The following DENND11 variants were observed in gnomAD, a reference collection of about 807,000 sequenced individuals.
DENND11 encodes DENN domain containing 11, also known as DENN domain-containing protein 11.
DENND11 carries 34 observed loss-of-function variants against 49.2 expected under a neutral mutation model. The ratio of observed to expected loss-of-function variants is 0.69; its 90% CI spans 0.53 to 0.92. The LOEUF is 0.92. Ranked by LOEUF, DENND11 falls within the 40% of genes least tolerant of loss-of-function variation. DENND11 has a pLI of 0.00. For missense variants in DENND11, 475 were observed against 581.6 expected (o/e 0.82, Z 1.88); for synonymous variants, 238 against 230.3 (o/e 1.03, Z -0.30).
rs754210155 is a variant in DENND11, at chr7:141,695,531, T to C, written c.268+6355A>G. Among the ~76,000 whole-genome samples, 124 of 152,224 alleles carry C rather than the reference T, an allele frequency of 8.1e-4. 4 individuals are homozygous for C. Among genetic ancestry groups the C allele is most frequent in the Non-Finnish European group, 2.1e-4 (14 of 68,038 alleles). On this transcript the variant is annotated intron_variant, in intron 1 of 8. Coordinates refer to ENST00000536163, the MANE Select transcript of DENND11 (RefSeq NM_001080392.2). ...GAGGAGACTTAATGGAAAGTGATTT[T>C]GCATAATTAGTAATCCTTATGGGAT...
rs1305897399 is a variant in DENND11 at position 141,701,362 on chromosome 7, C to CGAGCGGG, written c.268+517_268+523dup. Among the ~76,000 whole-genome samples, 30 of 140,720 alleles carry CGAGCGGG rather than the reference C, an allele frequency of 2.1e-4. 1 individual carries two copies. The highest frequency in any genetic ancestry group is 4.1e-4 in the Non-Finnish European group (27 of 65,400). 92.3% of individuals were successfully genotyped at this position (140,720 alleles called of 152,430 possible). Reference sequence around the variant, plus strand: ...CAGAGGAAGCGACGGGGAGCTAGGGCGAGCGGGGAGCGGGGGACGGGGTGG... The same window carrying CGAGCGGG: ...CAGAGGAAGCGACGGGGAGCTAGGGCGAGCGGGGAGCGGGGAGCGGGGGACGGGGTGG... On this transcript the variant is annotated intron_variant, in intron 1 of 8. Coordinates refer to ENST00000536163, the MANE Select transcript of DENND11 (RefSeq NM_001080392.2).
At chr7:141,666,877 G>A (rs1797904171) in intron 4 of DENND11, among the ~76,000 whole-genome samples, 1 of 152,106 alleles carries the variant, frequency 6.6e-6, no homozygotes, top group Admixed American at 6.5e-5. Context: ...TCACAGGTAG[G>A]AAGGAGCCCC....
At chr7:141,698,277 A>T (rs530201946) in intron 1 of DENND11, among the ~76,000 whole-genome samples, 2 of 152,222 alleles carry the variant, frequency 1.3e-5, no homozygotes, top group African/African-American at 2.4e-5. Context: ...TTAATTAAGC[A>T]GACTAAGAAC....
At chr7:141,675,682 A>G (rs1229254989) in intron 3 of DENND11, among the ~76,000 whole-genome samples, 2 of 152,078 alleles carry the variant, frequency 1.3e-5, no homozygotes, top group Non-Finnish European at 2.9e-5. Context: ...ATTTTCATCA[A>G]CCAACTATAG....
In DENND11 at chr7:141,674,288, T is replaced by C. The variant is rs932100895; in HGVS notation, c.528-68A>G. 56 of 1,458,456 alleles carry C rather than the reference T, an allele frequency of 3.8e-5. 1 individual carries two copies. In the African/African-American group the frequency reaches 6.7e-4, roughly 17 times the overall value. The allele number at this position is 1,458,456 out of a possible 1,614,324, so 90.3% of individuals were successfully genotyped here. A position where few individuals can be genotyped will look rare whatever the true frequency, so the allele number is the denominator to read the frequency against. ...AGAACAGCCCTGGTCACAGCTCTGC[T>C]ACCACTCCTACCCTCCGCCCACCTC... is the stretch of plus-strand genomic sequence containing the variant. On this transcript the variant is annotated intron_variant, in intron 3 of 8. Transcript: ENST00000536163.
intron 1 of DENND11, among the ~76,000 whole-genome samples, chr7:141,695,423 C>A (rs2366496): frequency 0.45 from 68,594 of 151,672 alleles, 16,622 homozygotes; most frequent in East Asian, 0.74. Context: ...ATGCACCACA[C>A]TAATAGGGAA....
At chr7:141,663,553 A>AT (rs1554407539) in intron 8 of DENND11, 1 of 152,206 alleles carries the variant, frequency 6.6e-6, no homozygotes, top group Non-Finnish European at 1.5e-5. Flanking sequence ...TGTAGGTTTT[A>AT]GAAGTCCACT....
chr7:141,681,779 G>C (rs1046535673), intron 3 of DENND11, among the ~76,000 whole-genome samples: 2 of 152,138 alleles, frequency 1.3e-5, no homozygotes, highest in African/African-American at 4.8e-5. Context: ...TATACCAGCA[G>C]GAAAGGTGTT....
intron 1 of DENND11, among the ~76,000 whole-genome samples, chr7:141,700,689 T>C (rs1798496968): frequency 6.6e-6 from 1 of 152,020 alleles, no homozygotes; most frequent in African/African-American, 2.4e-5. Context: ...CACAAAGGCC[T>C]GAATTGTCCC....
At chr7:141,665,422 C>A in intron 5 of DENND11, 104 bp from the exon 6 acceptor site, 3 of 1,471,692 alleles carry the variant, frequency 2.0e-6, no homozygotes, top group Non-Finnish European at 2.8e-6. Flanking sequence ...TCTGGTGCTT[C>A]AGGATCCAGG....
intron 4 of DENND11, among the ~76,000 whole-genome samples, chr7:141,671,460 A>G (rs1012525671): frequency 2.6e-5 from 4 of 152,242 alleles, no homozygotes; most frequent in Non-Finnish European, 5.9e-5. Context: ...TACAGGCGTG[A>G]GCCACCATGC....
intron 4 of DENND11, among the ~76,000 whole-genome samples, chr7:141,669,809 ATTTTT>A (rs72053527): frequency 8.6e-6 from 1 of 116,272 alleles, no homozygotes; most frequent in East Asian, 2.5e-4. Flanking sequence ...CATACATGCT[ATTTTT>A]TTTTTTTTTT....
At position 141,686,571 on chromosome 7, in the gene DENND11, T is replaced by G. The variant is rs1798246081; in HGVS notation, c.356A>C (p.Gln119Pro). 13 of 1,606,284 alleles carry G rather than the reference T, an allele frequency of 8.1e-6. No individual in the cohort carries two copies. The highest frequency in any genetic ancestry group is 1.1e-5 in the Non-Finnish European group (13 of 1,173,566). Reference protein sequence around the residue: ...KSMASGSHKIQSDFIYFRKGP... With the variant: ...KSMASGSHKIPSDFIYFRKGP... ...CAGAAGTACTTACATGAAATCAGATTGGATTTTATGGGACCCACTGGCCAT... is the reference window on the plus strand; with the variant it reads ...CAGAAGTACTTACATGAAATCAGATGGGATTTTATGGGACCCACTGGCCAT... Residue 119 changes from glutamine to proline, a missense_variant, in exon 2 of 9, where the codon CAA becomes CCA. Transcript: ENST00000536163.
At chr7:141,699,561 A>AAACACAAAAG (rs1798472448) in intron 1 of DENND11, among the ~76,000 whole-genome samples, 2 of 152,168 alleles carry the variant, frequency 1.3e-5, no homozygotes. Flanking sequence ...AAACACAAAA[A>AAACACAAAAG]AAACACAAGT....
At chr7:141,701,613 G>A in intron 1 of DENND11, 1 of 226,968 alleles carries the variant, frequency 4.4e-6, no homozygotes. Context: ...CAGAGGAGAG[G>A]AGGGGAGGGG....
intron 7 of DENND11, 46 bp from the exon 8 acceptor site, chr7:141,664,286 G>T: frequency 6.8e-7 from 1 of 1,469,882 alleles, no homozygotes; most frequent in Non-Finnish European, 9.3e-7. Flanking sequence ...TACCAGGACC[G>T]CAGTCACAGG....
intron 4 of DENND11, among the ~76,000 whole-genome samples, chr7:141,669,801 T>C (rs939985476): frequency 1.4e-5 from 2 of 147,832 alleles, no homozygotes; most frequent in African/African-American, 4.9e-5. Flanking sequence ...TATTATATCA[T>C]ACATGCTATT....
Position 141,660,138 on chromosome 7 carries a change from G to C in DENND11, c.*2518C>G, listed in dbSNP as rs1797766973. The C allele has an allele frequency of 6.6e-6, 1 of 152,240 alleles. No individual in the cohort carries two copies. The allele number at this position is 152,240 out of a possible 1,614,324, so 9.4% of individuals were successfully genotyped here. A position where few individuals can be genotyped will look rare whatever the true frequency, so the allele number is the denominator to read the frequency against. On this transcript the variant is annotated 3_prime_UTR_variant, in exon 9 of 9. Coordinates refer to ENST00000536163, the MANE Select transcript of DENND11 (RefSeq NM_001080392.2). The stretch of plus-strand genomic sequence containing the variant: ...AGACATACTCTGAGGATGCTCAACA[G>C]TGGCAAAGGTAACTGAAGAGATAAA...
intron 2 of DENND11, among the ~76,000 whole-genome samples, chr7:141,686,107 T>C (rs1296124355): frequency 2.0e-5 from 3 of 152,226 alleles, no homozygotes; most frequent in Non-Finnish European, 2.9e-5. Flanking sequence ...CATGAGGAGA[T>C]TAAAGCCACT....
Sources: allele counts gnomAD v4.1 joint callset (sites outside exome capture counted in the v4.1 genomes callset), GRCh38; gene constraint gnomAD v4.1.1; transcripts MANE v1.5; gene names NCBI Gene and HGNC (gene_info 2026-07-23, HGNC 2026-07-21).